The following TUT7 variants were observed in gnomAD, a reference collection of about 807,000 sequenced individuals.
The protein encoded by TUT7 is terminal uridylyltransferase 7.
In TUT7, 33 loss-of-function variants were observed where a neutral mutation model predicts 165.9. The observed-to-expected ratio is 0.20, with a 90% CI of 0.15 to 0.27. The LOEUF is 0.27. TUT7 is among the 10% of genes least tolerant of loss of function. The pLI, the probability that TUT7 is intolerant of heterozygous loss-of-function variation, is 1.00. For missense variants in TUT7, 1,338 were observed against 1,762.3 expected (o/e 0.76, Z 4.31); for synonymous variants, 552 against 608.1 (o/e 0.91, Z 1.36).
chr9:86,323,045 G>C lies in TUT7; in HGVS notation c.2705C>G (p.Ala902Gly), dbSNP rs747555350. 6.2e-7 allele frequency: 1 copy of C among 1,614,096 alleles called. No homozygotes were observed. Among genetic ancestry groups the C allele is most frequent in the South Asian group, 1.1e-5 (1 of 91,082 alleles). ...TTCTTTCACGTCTTCATACTTAGCA[G>C]CTTCGCCTAACTCATCATCCTCTTC... Reference protein sequence around the residue: ...LSEEDDELGEAAKYEDVKECG... With the variant: ...LSEEDDELGEGAKYEDVKECG... The change falls in exon 13 of 27, where the codon GCT becomes GGT. Residue 902 changes from alanine (A) to glycine (G), a missense_variant. Coordinates refer to ENST00000375963, the MANE Select transcript of TUT7 (RefSeq NM_024617.4).
intron 2 of TUT7, among the ~76,000 whole-genome samples, chr9:86,350,147 A>G (rs1832144400): frequency 6.6e-6 from 1 of 152,122 alleles, no homozygotes. Flanking sequence ...CCTGGCCAAC[A>G]TGCTAAAACC....
In TUT7 at chr9:86,344,980, G is replaced by A; in HGVS notation, c.994C>T (p.Pro332Ser). 1 of 1,607,920 alleles carries A rather than the reference G, an allele frequency of 6.2e-7. No homozygotes were observed. Among genetic ancestry groups the A allele is most frequent in the Non-Finnish European group, 8.5e-7 (1 of 1,177,598 alleles). The change falls in exon 5 of 27, where the codon CCA becomes TCA. Residue 332 changes from proline (P) to serine (S), a missense_variant. Transcript: ENST00000375963. ...IMENVFQHKL[P>S]DCSLRLYGSS... Reference sequence around the variant, plus strand: ...GAAAAACAAATCTAGAAAATACCTGGTAACTTGTGTTGGAACACATTTTCC... The same window carrying A: ...GAAAAACAAATCTAGAAAATACCTGATAACTTGTGTTGGAACACATTTTCC...
At chr9:86,289,726 T>C (rs1825774647) in intron 26 of TUT7, among the ~76,000 whole-genome samples, 1 of 151,962 alleles carries the variant, frequency 6.6e-6, no homozygotes, top group African/African-American at 2.4e-5. Context: ...CATAAGTATA[T>C]GAAAAAATTC....
chr9:86,340,917 C>A, intron 7 of TUT7, 85 bp downstream of exon 7: 1 of 1,038,380 alleles, frequency 9.6e-7, no homozygotes, highest in Non-Finnish European at 1.5e-6. Flanking sequence ...AAAAGCATGC[C>A]TTGCTATTTT....
intron 14 of TUT7, among the ~76,000 whole-genome samples, chr9:86,321,257 T>C (rs1587932007): frequency 2.0e-5 from 3 of 151,490 alleles, no homozygotes; most frequent in South Asian, 4.2e-4. Context: ...CTCAGGAGGC[T>C]GAGGCAGGAG....
chr9:86,315,055 T>C lies in TUT7; in HGVS notation c.3274+2164A>G, dbSNP rs375364335. Among the ~76,000 whole-genome samples, 46 of 152,328 alleles carry C rather than the reference T, an allele frequency of 3.0e-4. No individual in the cohort carries two copies. The South Asian group carries it at 9.3e-3, about 31-fold the overall frequency. On this transcript the variant is annotated intron_variant, in intron 17 of 26. Transcript: ENST00000375963. ...TTGAATATTACCTTACATTGTTACA[T>C]AGTTTGGAAGATTACCTTACCTCTT...
chr9:86,305,487 C>A (rs1223596325), intron 22 of TUT7, among the ~76,000 whole-genome samples: 2 of 152,166 alleles, frequency 1.3e-5, no homozygotes, highest in Non-Finnish European at 2.9e-5. Flanking sequence ...TTTTCCACTA[C>A]ACTGTTCATC....
intron 25 of TUT7, among the ~76,000 whole-genome samples, chr9:86,302,010 C>A (rs569886836): frequency 6.6e-5 from 10 of 152,222 alleles, no homozygotes; most frequent in Admixed American, 3.3e-4. Context: ...CACAAAGGAA[C>A]AATGGTTTTA....
At chr9:86,316,417 G>GC (rs879683090) in intron 17 of TUT7, among the ~76,000 whole-genome samples, 1 of 152,122 alleles carries the variant, frequency 6.6e-6, no homozygotes, top group Non-Finnish European at 1.5e-5. Flanking sequence ...GGACAACCTA[G>GC]CAAGATCCCA....
rs1469928369 is a variant in TUT7 at position 86,325,370 on chromosome 9, A to G, written c.1753T>C (p.Leu585=). ...ATGCGCTTTTTGGGCCAATCCTTCA[A>G]TTCCCGAGATACCAATTCTTTGACA... The part of the protein sequence containing the change: ...IRVKELVSRE[L]KDWPKKRIAI... The change falls in exon 12 of 27, where the codon TTG becomes CTG. Residue 585 remains leucine, a synonymous_variant. Transcript: ENST00000375963. 2 of 1,614,134 alleles carry G rather than the reference A, an allele frequency of 1.2e-6. No individual in the cohort carries two copies. The highest frequency in any genetic ancestry group is 1.3e-5 in the African/African-American group (1 of 75,054).
At chr9:86,336,942 G>C (rs941994496) in intron 10 of TUT7, 1 of 153,710 alleles carries the variant, frequency 6.5e-6, no homozygotes, top group Admixed American at 6.4e-5. Flanking sequence ...GCATCTTGTG[G>C]TACAGGTAGC....
chr9:86,353,896 A>G (rs189147870), intron 1 of TUT7, among the ~76,000 whole-genome samples: 2 of 152,296 alleles, frequency 1.3e-5, no homozygotes, highest in Admixed American at 6.5e-5. Flanking sequence ...TTTTGTCAGG[A>G]ACAGCAATTC....
chr9:86,341,481 T>C (rs1170464308), intron 6 of TUT7, among the ~76,000 whole-genome samples: 2 of 152,204 alleles, frequency 1.3e-5, no homozygotes, highest in Non-Finnish European at 2.9e-5. Context: ...AATCATAAAC[T>C]GTATCCTTAC....
chr9:86,328,167 AAT>A (rs1829967576), intron 11 of TUT7, among the ~76,000 whole-genome samples, 171 bp downstream of exon 11: 1 of 152,190 alleles, frequency 6.6e-6, no homozygotes, highest in South Asian at 2.1e-4. Context: ...TTAGTGATCT[AAT>A]ATTTTTTTTA....
chr9:86,310,222 T>C (rs759257373), intron 18 of TUT7, among the ~76,000 whole-genome samples: 7 of 152,052 alleles, frequency 4.6e-5, no homozygotes, highest in Non-Finnish European at 1.0e-4. Flanking sequence ...CGAGCCTAGA[T>C]GAAAAGATTT....
At chr9:86,314,625 C>T in intron 17 of TUT7, among the ~76,000 whole-genome samples, 1 of 152,124 alleles carries the variant, frequency 6.6e-6, no homozygotes, top group South Asian at 2.1e-4. Context: ...TCTCTCATAT[C>T]TTTTTCCTGT....
chr9:86,322,194 G>A (rs990781099), intron 14 of TUT7, 131 bp downstream of exon 14: 3 of 757,466 alleles, frequency 4.0e-6, no homozygotes, highest in African/African-American at 3.5e-5. Flanking sequence ...AACGCTTGAG[G>A]ATACAATGGA....
At chr9:86,337,773 C>T (rs1830945516) in intron 9 of TUT7, among the ~76,000 whole-genome samples, 1 of 152,222 alleles carries the variant, frequency 6.6e-6, no homozygotes, top group South Asian at 2.1e-4. Context: ...ACCATACTCA[C>T]TTGTGGATGG....
chr9:86,311,966 G>A lies in TUT7; in HGVS notation c.3275-1157C>T, dbSNP rs1284197247. ...GAGTGCAGTGGCGTGATCTCGGCCCGCTACAACCTCCACCTCCCAGCCGCC... is the reference window on the plus strand; with the variant it reads ...GAGTGCAGTGGCGTGATCTCGGCCCACTACAACCTCCACCTCCCAGCCGCC... On this transcript the variant is annotated intron_variant, in intron 17 of 26. Coordinates refer to ENST00000375963, the MANE Select transcript of TUT7 (RefSeq NM_024617.4). The surrounding 1 kb of genome is among the most constrained non-coding windows in gnomAD (Gnocchi z 4.4). Among the ~76,000 whole-genome samples, 4 of 152,154 alleles carry A rather than the reference G, an allele frequency of 2.6e-5. No homozygotes were observed. The highest frequency in any genetic ancestry group is 2.1e-4 in the South Asian group (1 of 4,826).
Sources: gnomAD v4.1 joint callset for allele counts (sites outside exome capture counted in the v4.1 genomes callset) on GRCh38, gnomAD v4.1.1 for gene constraint, Gnocchi (gnomAD v3.1) non-coding constraint, MANE v1.5 for transcripts, NCBI Gene and HGNC (gene_info 2026-07-23, HGNC 2026-07-21) for gene names.